The following CDK8 variants were observed in gnomAD, a reference collection of about 807,000 sequenced individuals.
CDK8 encodes cyclin dependent kinase 8.
Under a neutral mutation model 71.5 loss-of-function variants are expected in CDK8, and 29 were observed. The observed-to-expected ratio is 0.41, with a 90% CI of 0.30 to 0.55. The LOEUF (loss-of-function observed/expected upper bound fraction) is 0.55, where lower values mean the gene tolerates loss of function less well. Ranked by LOEUF, CDK8 falls within the 20% of genes least tolerant of loss-of-function variation. The probability of loss-of-function intolerance (pLI) is 0.37; values close to 1 mark genes in which losing one functional copy is unlikely to be tolerated. For synonymous variants in CDK8, 161 were observed against 192.1 expected (o/e 0.84, Z 1.34); for missense variants, 288 against 572.6 (o/e 0.50, Z 5.07).
intron 4 of CDK8, among the ~76,000 whole-genome samples, chr13:26,378,839 G>A (rs1242682792): frequency 2.6e-5 from 4 of 152,132 alleles, no homozygotes; most frequent in African/African-American, 7.2e-5. Flanking sequence ...ACTGATAGAC[G>A]AGGAAGAAAA....
At chr13:26,306,389 CTTG>C (rs776709621) in intron 1 of CDK8, among the ~76,000 whole-genome samples, 10 of 151,816 alleles carry the variant, frequency 6.6e-5, no homozygotes, top group Non-Finnish European at 1.2e-4. Flanking sequence ...TCTGAGTTAG[CTTG>C]TTATTTACTT....
chr13:26,262,479 A>G (rs767403240), intron 1 of CDK8, among the ~76,000 whole-genome samples: 5 of 152,204 alleles, frequency 3.3e-5, no homozygotes, highest in Non-Finnish European at 5.9e-5. Context: ...TTACGGGAAG[A>G]GTAGAAAAGT....
intron 6 of CDK8, among the ~76,000 whole-genome samples, chr13:26,385,548 C>A (rs985956526): frequency 6.6e-6 from 1 of 152,012 alleles, no homozygotes; most frequent in Non-Finnish European, 1.5e-5. Flanking sequence ...CCAGCCTGGG[C>A]AAAATAGTGA....
intron 4 of CDK8, chr13:26,359,499 G>A (rs1475377695): frequency 1.2e-5 from 2 of 160,460 alleles, no homozygotes; most frequent in Middle Eastern, 5.1e-4. Context: ...AAGACATGAT[G>A]CATCAAAGTT....
intron 4 of CDK8, among the ~76,000 whole-genome samples, chr13:26,355,036 T>C (rs1052070030): frequency 1.3e-5 from 2 of 152,232 alleles, no homozygotes; most frequent in African/African-American, 2.4e-5. Context: ...AAATATCCTG[T>C]AGGCTATGAG....
chr13:26,256,233 T>C (rs1443093284), intron 1 of CDK8, among the ~76,000 whole-genome samples: 3 of 152,336 alleles, frequency 2.0e-5, no homozygotes, highest in East Asian at 3.9e-4. Flanking sequence ...TCTGGAGATA[T>C]TGCTGACTCT....
At chr13:26,336,486 G>A (rs771016295) in intron 1 of CDK8, among the ~76,000 whole-genome samples, 24 of 151,476 alleles carry the variant, frequency 1.6e-4, no homozygotes, top group East Asian at 1.9e-4. Context: ...GAATAAAGGG[G>A]TTCTGGGACC....
At chr13:26,388,635 C>T (rs1480402929) in intron 6 of CDK8, among the ~76,000 whole-genome samples, 2 of 152,156 alleles carry the variant, frequency 1.3e-5, no homozygotes, top group African/African-American at 4.8e-5. Flanking sequence ...GACTCTGGCT[C>T]ACTGTTTATT....
chr13:26,341,945 G>A (rs116838882), intron 2 of CDK8, among the ~76,000 whole-genome samples: 5 of 150,982 alleles, frequency 3.3e-5, no homozygotes, highest in African/African-American at 9.7e-5. Flanking sequence ...TTTTTGAGAC[G>A]AAGTCTCGCT....
intron 1 of CDK8, among the ~76,000 whole-genome samples, chr13:26,330,138 A>G (rs929580205): frequency 2.0e-5 from 3 of 152,310 alleles, no homozygotes; most frequent in South Asian, 2.1e-4. Context: ...CTGGATGTCT[A>G]TCATCCGACT....
At position 26,387,361 on chromosome 13, in the gene CDK8, T is replaced by G. The variant is rs9581659; in HGVS notation, c.646+2019T>G. Among the ~76,000 whole-genome samples, 1,033 of 152,302 alleles carry G rather than the reference T, an allele frequency of 6.8e-3. 8 individuals carry two copies. Among genetic ancestry groups the G allele is most frequent in the Middle Eastern group, 0.024 (7 of 294 alleles). ...TTGAGTGTCTCTTTGTATTTAAAAA[T>G]CAGGTTACTAAAACTGCTTGAGAAC... On this transcript the variant is annotated intron_variant, in intron 6 of 12. Coordinates refer to ENST00000381527, the MANE Select transcript of CDK8 (RefSeq NM_001260.3).
intron 1 of CDK8, among the ~76,000 whole-genome samples, chr13:26,274,143 T>C (rs1872460080): frequency 6.6e-6 from 1 of 152,190 alleles, no homozygotes; most frequent in Non-Finnish European, 1.5e-5. Flanking sequence ...GTGGGTTTGC[T>C]GGATCCATTT....
At chr13:26,362,479 A>G (rs1261235912) in intron 4 of CDK8, among the ~76,000 whole-genome samples, 1 of 152,174 alleles carries the variant, frequency 6.6e-6, no homozygotes, top group Non-Finnish European at 1.5e-5. Context: ...GAGCTACTGT[A>G]CAAGTCCCAG....
intron 1 of CDK8, among the ~76,000 whole-genome samples, chr13:26,291,118 C>CAAAA (rs11448258): frequency 1.4e-5 from 2 of 139,482 alleles, no homozygotes. Flanking sequence ...GCCTCCATCT[C>CAAAA]AAAAAAAAAA....
intron 1 of CDK8, among the ~76,000 whole-genome samples, chr13:26,327,655 C>G (rs1057429263): frequency 6.6e-6 from 1 of 152,038 alleles, no homozygotes; most frequent in East Asian, 1.9e-4. Flanking sequence ...ATGGTTAAAC[C>G]CTGTCTCTAC....
At chr13:26,340,176 T>C (rs1052791763) in intron 2 of CDK8, among the ~76,000 whole-genome samples, 5 of 152,194 alleles carry the variant, frequency 3.3e-5, no homozygotes, top group Non-Finnish European at 5.9e-5. Context: ...ATTCTTTTCT[T>C]ATTCTGTTAA....
In CDK8 at chr13:26,353,893, G is replaced by A. The variant is rs1461310126; in HGVS notation, c.456+13G>A. 3 of 1,611,340 alleles carry A rather than the reference G, an allele frequency of 1.9e-6. No individual in the cohort carries two copies. The highest frequency in any genetic ancestry group is 2.2e-5 in the South Asian group (2 of 90,996). On this transcript the variant is annotated intron_variant, in intron 4 of 12. Coordinates refer to ENST00000381527, the MANE Select transcript of CDK8 (RefSeq NM_001260.3). ...GCACAGAGATTTGGTAAGTTGACCT[G>A]TAATTGGTTTAAACTAGAAAGATGC...
At chr13:26,324,724 A>C (rs1443997608) in intron 1 of CDK8, 1 of 344,276 alleles carries the variant, frequency 2.9e-6, no homozygotes, top group Non-Finnish European at 4.1e-6. Flanking sequence ...CAATGTCAAA[A>C]TATGATTCTT....
chr13:26,343,624 G>A (rs1873338284), intron 2 of CDK8, among the ~76,000 whole-genome samples: 1 of 152,072 alleles, frequency 6.6e-6, no homozygotes, highest in African/African-American at 2.4e-5. Flanking sequence ...CGTTGCTCAG[G>A]GTATCAGTGA....
Sources: allele counts gnomAD v4.1 joint callset (sites outside exome capture counted in the v4.1 genomes callset), GRCh38; gene constraint gnomAD v4.1.1; transcripts MANE v1.5; gene names NCBI Gene and HGNC (gene_info 2026-07-23, HGNC 2026-07-21).